The following TNFSF13B variants were observed in gnomAD, a reference collection of about 807,000 sequenced individuals.
TNFSF13B encodes the protein TNF superfamily member 13b, also known as tumor necrosis factor ligand superfamily member 13B.
TNFSF13B carries 8 observed loss-of-function variants against 29.1 expected under a neutral mutation model. The ratio of observed to expected loss-of-function variants is 0.27; its 90% CI spans 0.16 to 0.50. The LOEUF (loss-of-function observed/expected upper bound fraction) is 0.50. TNFSF13B is among the 20% of genes least tolerant of loss of function. The pLI is 0.98. For missense variants in TNFSF13B, 248 were observed against 334.9 expected, an observed-to-expected ratio of 0.74 and a Z score of 2.03; for synonymous variants, 125 against 130.8, an observed-to-expected ratio of 0.96 and a Z score of 0.30.
chr13:108,297,267 C>T (rs981392867), intron 3 of TNFSF13B, among the ~76,000 whole-genome samples: 3 of 145,614 alleles, frequency 2.1e-5, no homozygotes, highest in Non-Finnish European at 4.6e-5. Flanking sequence ...ATATGTAATT[C>T]CCCTGGCTTC....
intron 3 of TNFSF13B, among the ~76,000 whole-genome samples, chr13:108,287,759 C>T (rs1416136304): frequency 6.6e-6 from 1 of 151,918 alleles, no homozygotes; most frequent in African/African-American, 2.4e-5. Context: ...GATAATTTAC[C>T]GTTTTCTCAC....
At chr13:108,292,907 C>T (rs747820474) in intron 3 of TNFSF13B, among the ~76,000 whole-genome samples, 1 of 152,082 alleles carries the variant, frequency 6.6e-6, no homozygotes, top group Non-Finnish European at 1.5e-5. Flanking sequence ...TCATTTGAGG[C>T]ACAAGAGTGT....
intron 3 of TNFSF13B, among the ~76,000 whole-genome samples, chr13:108,288,643 A>T (rs780791737): frequency 6.6e-6 from 1 of 152,220 alleles, no homozygotes; most frequent in East Asian, 1.9e-4. Context: ...AAGCCAAACC[A>T]TCGCAAGTCC....
chr13:108,284,656 A>C (rs1253341526), intron 2 of TNFSF13B, among the ~76,000 whole-genome samples: 1 of 152,194 alleles, frequency 6.6e-6, no homozygotes, highest in African/African-American at 2.4e-5. Flanking sequence ...CGTATAACAA[A>C]GGAAAGATGC....
chr13:108,281,836 A>G (rs1471185547), intron 2 of TNFSF13B, among the ~76,000 whole-genome samples: 2 of 152,168 alleles, frequency 1.3e-5, no homozygotes, highest in Non-Finnish European at 2.9e-5. Context: ...TTCAGTGAAA[A>G]TGTTAATTCA....
chr13:108,299,506 C>G (rs1288552682), intron 3 of TNFSF13B, among the ~76,000 whole-genome samples: 1 of 136,294 alleles, frequency 7.3e-6, no homozygotes, highest in African/African-American at 2.8e-5. Flanking sequence ...TTTGCCTAGA[C>G]TCTATTCCTT....
chr13:108,286,910 T>A (rs1881154831), intron 3 of TNFSF13B, 51 bp downstream of exon 3: 1 of 1,352,378 alleles, frequency 7.4e-7, no homozygotes, highest in Admixed American at 2.1e-5. Flanking sequence ...CCATCAATGA[T>A]AGACTGGATT....
chr13:108,279,007 G>A (rs950547193), intron 2 of TNFSF13B, among the ~76,000 whole-genome samples: 9 of 152,146 alleles, frequency 5.9e-5, no homozygotes, highest in African/African-American at 2.2e-4. Flanking sequence ...CTATATAACT[G>A]AGGGTTCAAA....
At chr13:108,273,234 A>AT (rs1011765801) in intron 2 of TNFSF13B, among the ~76,000 whole-genome samples, 276 of 150,218 alleles carry the variant, frequency 1.8e-3, no homozygotes, top group African/African-American at 3.3e-3. Flanking sequence ...TTACAGGTGG[A>AT]TTTTTTTTTT....
At chr13:108,275,871 C>T (rs934612530) in intron 2 of TNFSF13B, among the ~76,000 whole-genome samples, 6 of 152,130 alleles carry the variant, frequency 3.9e-5, no homozygotes, top group Admixed American at 6.5e-5. Context: ...TTTTAGGATC[C>T]ATCAGGATAT....
intron 2 of TNFSF13B, among the ~76,000 whole-genome samples, chr13:108,278,590 C>CT (rs1880827198): frequency 0.015 from 4 of 274 alleles, no homozygotes; most frequent in African/African-American, 0.017. Context: ...CCTCCTCCTC[C>CT]CCTTCTCTTC....
At position 108,295,041 on chromosome 13, in the gene TNFSF13B, G is replaced by A. The variant is rs949623717; in HGVS notation, c.481+8182G>A. 2.1e-5 allele frequency among the ~76,000 whole-genome samples: 3 copies of A among 144,954 alleles called. 1 individual carries two copies. The highest frequency in any genetic ancestry group is 7.8e-5 in the African/African-American group (3 of 38,494). ...GGTATAGACATTTTATTTCCAATGG[G>A]CCATTAATAATACCTCCATTTTCTT... On this transcript the variant is annotated intron_variant, in intron 3 of 5. Transcript: ENST00000375887.
intron 5 of TNFSF13B, among the ~76,000 whole-genome samples, chr13:108,305,671 T>C (rs986758458): frequency 6.6e-6 from 1 of 152,176 alleles, no homozygotes; most frequent in Non-Finnish European, 1.5e-5. Context: ...ACATAACCTT[T>C]AATAAGTCCT....
chr13:108,307,056 C>T lies in TNFSF13B; in HGVS notation c.*118C>T, dbSNP rs918782807. Reference sequence around the variant, plus strand: ...AAAAAAAAAAAAAAAAAGTAGTTACCATTGCCTTTTCTGTGAGCTATTTGT... The same window carrying T: ...AAAAAAAAAAAAAAAAAGTAGTTACTATTGCCTTTTCTGTGAGCTATTTGT... On this transcript the variant is annotated 3_prime_UTR_variant, in exon 6 of 6. Coordinates refer to ENST00000375887, the MANE Select transcript of TNFSF13B (RefSeq NM_006573.5). 4.0e-5 allele frequency: 26 copies of T among 654,668 alleles called. No homozygotes were observed. Among genetic ancestry groups the T allele is most frequent in the Non-Finnish European group, 5.9e-5 (24 of 408,670 alleles). 40.6% of individuals were successfully genotyped at this position (654,668 alleles called of 1,614,324 possible). A position where few individuals can be genotyped will look rare whatever the true frequency, so the allele number is the denominator to read the frequency against.
Position 108,270,117 on chromosome 13 carries a change from G to C in TNFSF13B, c.222G>C (p.Gly74=). The change falls in exon 1 of 6, where the codon GGG becomes GGC. Residue 74 remains glycine (G), a synonymous_variant. Transcript: ENST00000375887. ...VSFYQVAALQ[G]DLASLRAELQ... ...TCTACCAGGTGGCCGCCCTGCAAGG[G>C]GACCTGGCCAGCCTCCGGGCAGAGC... The C allele has an allele frequency of 6.2e-7, 1 of 1,602,806 alleles. No individual in the cohort carries two copies. The highest frequency in any genetic ancestry group is 8.5e-7 in the Non-Finnish European group (1 of 1,179,924).
chr13:108,305,250 A>G (rs916013938), intron 5 of TNFSF13B, among the ~76,000 whole-genome samples: 4 of 152,298 alleles, frequency 2.6e-5, no homozygotes, highest in East Asian at 1.9e-4. Flanking sequence ...TAGAGTATAT[A>G]TAAGTACATA....
rs376514451 is a variant in TNFSF13B at position 108,283,928 on chromosome 13, T to G, written c.425-2875T>G. ...CCTCCCCAAAGTCTTCCTAATAGCA[T>G]CACCTCAGCAGTTAGGTTTCAACAT... On this transcript the variant is annotated intron_variant, in intron 2 of 5. Transcript: ENST00000375887. Among the ~76,000 whole-genome samples, 71 of 152,260 alleles carry G rather than the reference T, an allele frequency of 4.7e-4. No homozygotes were observed. The South Asian group carries it at 0.014, about 31-fold the overall frequency.
intron 2 of TNFSF13B, among the ~76,000 whole-genome samples, chr13:108,271,424 A>G (rs1472209856): frequency 6.8e-6 from 1 of 146,374 alleles, no homozygotes; most frequent in Non-Finnish European, 1.5e-5. Context: ...GTAGTGAGAG[A>G]TAGACCAGGG....
At chr13:108,306,252 G>A (rs1422339101) in intron 5 of TNFSF13B, among the ~76,000 whole-genome samples, 1 of 152,016 alleles carries the variant, frequency 6.6e-6, no homozygotes, top group Non-Finnish European at 1.5e-5. Flanking sequence ...AATATAAGAG[G>A]TTGTGAAAAG....
Sources: allele counts gnomAD v4.1 joint callset (sites outside exome capture counted in the v4.1 genomes callset), GRCh38; gene constraint gnomAD v4.1.1; transcripts MANE v1.5; gene names NCBI Gene and HGNC (gene_info 2026-07-23, HGNC 2026-07-21).